NRXN3: variants seen among roughly 807,000 people sequenced by gnomAD.
NRXN3 encodes the protein neurexin 3, also known as neurexin III.
A neutral mutation model predicts 137.6 loss-of-function variants in NRXN3; 32 were observed. That is an observed-to-expected ratio of 0.23 (90% CI 0.18 to 0.31). The LOEUF is 0.31. Among genes scored for constraint, NRXN3 ranks in the 10% least tolerant of loss-of-function variants. The pLI is 1.00. For missense variants in NRXN3, 1,574 were observed against 2,062.5 expected (o/e 0.76, Z 4.59); for synonymous variants, 798 against 784.5 (o/e 1.02, Z -0.29).
intron 4 of NRXN3, among the ~76,000 whole-genome samples, chr14:78,599,426 T>G (rs2097184789): frequency 6.6e-6 from 1 of 152,214 alleles, no homozygotes. Context: ...AGAAATTTAG[T>G]CTTATTTCTC....
intron 20 of NRXN3, among the ~76,000 whole-genome samples, chr14:79,857,188 G>A (rs946651052): frequency 2.1e-4 from 32 of 151,208 alleles, no homozygotes; most frequent in African/African-American, 5.6e-4. Context: ...TAAACAAGAA[G>A]CTTTGAATAG....
intron 10 of NRXN3, among the ~76,000 whole-genome samples, chr14:78,939,474 T>G (rs1296355071): frequency 1.3e-5 from 2 of 152,174 alleles, no homozygotes; most frequent in Admixed American, 6.5e-5. Flanking sequence ...TCCCTGCTGA[T>G]GAAGTAGTTA....
At chr14:78,805,668 T>C (rs2098861290) in intron 9 of NRXN3, among the ~76,000 whole-genome samples, 1 of 150,244 alleles carries the variant, frequency 6.7e-6, no homozygotes, top group South Asian at 2.1e-4. Context: ...ATGAAGACAA[T>C]TTTTATCTCT....
chr14:78,779,179 T>G (rs1399474520), intron 8 of NRXN3, among the ~76,000 whole-genome samples: 1 of 152,024 alleles, frequency 6.6e-6, no homozygotes, highest in African/African-American at 2.4e-5. Context: ...AAATACATCC[T>G]AAACAAAAAC....
At chr14:79,148,854 G>GTT (rs950057893) in intron 15 of NRXN3, among the ~76,000 whole-genome samples, 2 of 152,066 alleles carry the variant, frequency 1.3e-5, no homozygotes, top group African/African-American at 4.8e-5. Flanking sequence ...TTTAAAGAGT[G>GTT]TTTTTTTCCC....
chr14:79,779,058 TCAGCA>T (rs2099106070), intron 19 of NRXN3, among the ~76,000 whole-genome samples: 1 of 152,250 alleles, frequency 6.6e-6, no homozygotes, highest in African/African-American at 2.4e-5. Flanking sequence ...CACAAAATAC[TCAGCA>T]CAGTGCTTGG....
chr14:78,803,185 T>C lies in NRXN3; in HGVS notation c.2045-435T>C, dbSNP rs575963107. 7.2e-5 allele frequency among the ~76,000 whole-genome samples: 11 copies of C among 152,338 alleles called. No individual in the cohort carries two copies. In the South Asian group the frequency reaches 2.1e-3, roughly 29 times the overall value. On this transcript the variant is annotated intron_variant, in intron 8 of 20. Transcript: ENST00000335750. The stretch of plus-strand genomic sequence containing the variant: ...CTGGTAAATATCGATTTGTCTGCTC[T>C]GGTGGTTATAAACTGCTGCTCTCCT...
chr14:78,901,183 A>G (rs539582299), intron 10 of NRXN3, among the ~76,000 whole-genome samples: 5 of 152,020 alleles, frequency 3.3e-5, no homozygotes, highest in Middle Eastern at 3.4e-3. Flanking sequence ...GTAACCCTTG[A>G]TGGGGGATTT....
intron 10 of NRXN3, among the ~76,000 whole-genome samples, chr14:78,954,140 T>A (rs1302735227): frequency 1.3e-5 from 2 of 152,172 alleles, no homozygotes; most frequent in African/African-American, 4.8e-5. Flanking sequence ...CTTTTATGCC[T>A]GGGCTACTTA....
intron 6 of NRXN3, among the ~76,000 whole-genome samples, chr14:78,696,536 C>G (rs1414203080): frequency 6.6e-6 from 1 of 151,984 alleles, no homozygotes; most frequent in Admixed American, 6.6e-5. Flanking sequence ...AGTCGCAGAA[C>G]AAGAATTTCA....
chr14:78,575,112 C>T (rs896752088), intron 4 of NRXN3, among the ~76,000 whole-genome samples: 3 of 152,138 alleles, frequency 2.0e-5, no homozygotes, highest in East Asian at 1.9e-4. Flanking sequence ...TGTCCCCTGC[C>T]GCCCTGTGAG....
intron 10 of NRXN3, among the ~76,000 whole-genome samples, chr14:78,911,455 G>A (rs561568995): frequency 6.6e-6 from 1 of 152,146 alleles, no homozygotes; most frequent in Admixed American, 6.5e-5. Context: ...TTTTTATTCT[G>A]GTTACTACTG....
intron 6 of NRXN3, among the ~76,000 whole-genome samples, chr14:78,691,643 G>A (rs796446978): frequency 1.8e-4 from 28 of 152,090 alleles, no homozygotes; most frequent in African/African-American, 5.8e-4. Context: ...AAGAGAGCCC[G>A]GGATAGATGC....
At chr14:78,353,249 C>G (rs1276375202) in intron 4 of NRXN3, among the ~76,000 whole-genome samples, 2 of 152,164 alleles carry the variant, frequency 1.3e-5, no homozygotes, top group Admixed American at 1.3e-4. Flanking sequence ...CTGCAGTGCT[C>G]TCTTTGACTG....
At chr14:78,926,700 T>G (rs183159909) in intron 10 of NRXN3, among the ~76,000 whole-genome samples, 1 of 85,624 alleles carries the variant, frequency 1.2e-5, no homozygotes, top group Non-Finnish European at 2.2e-5. Context: ...ATATATAAAA[T>G]ATATATTATA....
At chr14:78,433,391 T>A (rs146396153) in intron 4 of NRXN3, among the ~76,000 whole-genome samples, 1 of 152,266 alleles carries the variant, frequency 6.6e-6, no homozygotes, top group Non-Finnish European at 1.5e-5. Flanking sequence ...CTAGATAATC[T>A]TCCTTTTGCC....
At chr14:79,508,390 A>ATTTCTGATTTTTTT (rs1555494789) in intron 16 of NRXN3, among the ~76,000 whole-genome samples, 9 of 48,226 alleles carry the variant, frequency 1.9e-4, no homozygotes, top group African/African-American at 6.6e-4. Context: ...ACAATAACTG[A>ATTTCTGATTTTTTT]TTTTTTTTTT....
chr14:79,779,150 G>T (rs1343049602), intron 19 of NRXN3, among the ~76,000 whole-genome samples: 1 of 152,178 alleles, frequency 6.6e-6, no homozygotes, highest in East Asian at 1.9e-4. Context: ...TTTTGCTTTT[G>T]TTGCCCAGGC....
In NRXN3 at chr14:78,985,105, G is replaced by A. The variant is rs989291961; in HGVS notation, c.3143-2917G>A. 7.2e-5 allele frequency among the ~76,000 whole-genome samples: 11 copies of A among 152,328 alleles called. 1 individual carries two copies. The South Asian group carries it at 1.9e-3, about 26-fold the overall frequency. ...AATCCCCGCCCTGTATTTGGTCCCT[G>A]ATGAACTTCTGACAAATGGAAAAGA... On this transcript the variant is annotated intron_variant, in intron 14 of 20. Coordinates refer to ENST00000335750, the MANE Select transcript of NRXN3 (RefSeq NM_001330195.2).
Sources: allele counts gnomAD v4.1 joint callset (sites outside exome capture counted in the v4.1 genomes callset), GRCh38; gene constraint gnomAD v4.1.1; transcripts MANE v1.5; gene names NCBI Gene and HGNC (gene_info 2026-07-23, HGNC 2026-07-21).